FBXO42: variants seen among roughly 807,000 people sequenced by gnomAD.
FBXO42 encodes the protein F-box only protein 42.
In FBXO42, 12 loss-of-function variants were observed where a neutral mutation model predicts 71.7. That is an observed-to-expected ratio of 0.17 (90% confidence interval 0.11 to 0.27). The LOEUF is 0.27. Ranked by LOEUF, FBXO42 falls within the 10% of genes least tolerant of loss-of-function variation. FBXO42 has a pLI of 1.00. For synonymous variants in FBXO42, 325 were observed against 327.5 expected (o/e 0.99, Z 0.08); for missense variants, 707 against 911.9 (o/e 0.78, Z 2.89).
At chr1:16,317,028 C>A (rs1214952469) in intron 1 of FBXO42, among the ~76,000 whole-genome samples, 2 of 152,202 alleles carry the variant, frequency 1.3e-5, no homozygotes, top group South Asian at 2.1e-4. Flanking sequence ...CGCCTGTAAT[C>A]CCAACACTTT....
intron 1 of FBXO42, among the ~76,000 whole-genome samples, chr1:16,326,060 CTGTG>C (rs2082447546): frequency 1.0e-5 from 1 of 95,452 alleles, no homozygotes; most frequent in African/African-American, 3.2e-5. Flanking sequence ...CTGTGTGTGT[CTGTG>C]TGTGTTTTGA....
At chr1:16,304,298 T>C (rs1199457145) in intron 3 of FBXO42, among the ~76,000 whole-genome samples, 1 of 151,028 alleles carries the variant, frequency 6.6e-6, no homozygotes, top group Non-Finnish European at 1.5e-5. Flanking sequence ...TTTTTCTATT[T>C]TTAGTGGACA....
At chr1:16,322,586 A>C (rs1232405250) in intron 1 of FBXO42, among the ~76,000 whole-genome samples, 1 of 152,158 alleles carries the variant, frequency 6.6e-6, no homozygotes, top group East Asian at 1.9e-4. Context: ...AAAATACAAA[A>C]AAAATTTTAA....
At chr1:16,346,753 AT>A (rs529276488) in intron 1 of FBXO42, among the ~76,000 whole-genome samples, 34,901 of 124,842 alleles carry the variant, frequency 0.28, 5,107 homozygotes, top group Non-Finnish European at 0.34. Context: ...TGAACAGTAC[AT>A]TTTTTTTTTT....
chr1:16,288,733 G>A (rs1044744777), intron 4 of FBXO42, among the ~76,000 whole-genome samples: 6 of 152,044 alleles, frequency 3.9e-5, no homozygotes, highest in East Asian at 1.9e-4. Context: ...CAAGGTGGGC[G>A]GATCACTTGA....
Position 16,251,393 on chromosome 1 carries a change from T to C in FBXO42, c.1431A>G (p.Lys477=). The part of the protein sequence containing the change: ...TPSAPEGYDL[K]IGLSLAPRRG... ...GTCGGGGGGCCAAAGAAAGTCCTAT[T>C]TTCAGGTCGTATCCTTCAGGAGCAG... Residue 477 remains lysine, a synonymous_variant, in exon 10 of 10, where the codon AAA becomes AAG. Transcript: ENST00000375592. This position sits in a 1 kb window ranked among gnomAD's most constrained non-coding sequence, Gnocchi z 4.5. 2.5e-6 allele frequency: 4 copies of C among 1,614,106 alleles called. No individual in the cohort carries two copies. The highest frequency in any genetic ancestry group is 3.4e-6 in the Non-Finnish European group (4 of 1,179,958).
intron 3 of FBXO42, among the ~76,000 whole-genome samples, chr1:16,303,443 TTTACAGATTTC>T (rs2082217325): frequency 1.3e-5 from 2 of 152,218 alleles, no homozygotes; most frequent in African/African-American, 2.4e-5. Context: ...AAGCAATGAC[TTTACAGATTTC>T]TTACAGATTT....
chr1:16,291,323 T>C (rs2082075401), intron 4 of FBXO42, among the ~76,000 whole-genome samples: 1 of 152,142 alleles, frequency 6.6e-6, no homozygotes, highest in Non-Finnish European at 1.5e-5. Flanking sequence ...AACATTGTCT[T>C]AGGGCATCTT....
chr1:16,277,141 C>G (rs2983163), intron 4 of FBXO42, among the ~76,000 whole-genome samples: 1 of 152,078 alleles, frequency 6.6e-6, no homozygotes, highest in African/African-American at 2.4e-5. Flanking sequence ...ATCAATCACT[C>G]GTTTTTAAGA....
At chr1:16,307,414 T>A (rs981137525) in intron 2 of FBXO42, among the ~76,000 whole-genome samples, 4 of 151,788 alleles carry the variant, frequency 2.6e-5, no homozygotes, top group Non-Finnish European at 5.9e-5. Context: ...GGAGGGAGGA[T>A]CACCTGTGCC....
intron 1 of FBXO42, among the ~76,000 whole-genome samples, chr1:16,340,079 G>A (rs576905300): frequency 2.0e-5 from 3 of 152,082 alleles, no homozygotes; most frequent in African/African-American, 7.2e-5. Flanking sequence ...GGGAGGCTGA[G>A]GCAGAAGAAT....
At chr1:16,326,946 C>T (rs1569928810) in intron 1 of FBXO42, among the ~76,000 whole-genome samples, 1 of 152,098 alleles carries the variant, frequency 6.6e-6, no homozygotes, top group Non-Finnish European at 1.5e-5. Flanking sequence ...TTCCTAATCC[C>T]AAAAGGTGTC....
intron 4 of FBXO42, chr1:16,293,314 T>G (rs1050500376): frequency 6.6e-6 from 1 of 152,172 alleles, no homozygotes; most frequent in Admixed American, 6.5e-5. Flanking sequence ...AGAGACAGGG[T>G]TTCATCATGT....
intron 4 of FBXO42, among the ~76,000 whole-genome samples, chr1:16,268,232 A>G (rs149292122): frequency 4.0e-4 from 61 of 152,330 alleles, no homozygotes; most frequent in African/African-American, 1.5e-3. Flanking sequence ...AATCCTTGTC[A>G]GCCCTGAGAG....
At chr1:16,294,720 T>A in intron 4 of FBXO42, 63 bp downstream of exon 4, 1 of 1,571,698 alleles carries the variant, frequency 6.4e-7, no homozygotes, top group Non-Finnish European at 8.7e-7. Context: ...AATGATCAGG[T>A]AGAGTTTCCA....
intron 3 of FBXO42, among the ~76,000 whole-genome samples, chr1:16,301,714 G>A (rs1375396857): frequency 6.7e-6 from 1 of 149,622 alleles, no homozygotes; most frequent in African/African-American, 2.5e-5. Context: ...GTACAAGAAT[G>A]TCTAAGACAT....
chr1:16,310,635 A>G (rs958052229), intron 2 of FBXO42, among the ~76,000 whole-genome samples: 1 of 152,216 alleles, frequency 6.6e-6, no homozygotes, highest in African/African-American at 2.4e-5. Flanking sequence ...ACTGAGAGAA[A>G]GTATTTGCAA....
intron 2 of FBXO42, among the ~76,000 whole-genome samples, chr1:16,308,047 G>T (rs1238989042): frequency 6.6e-6 from 1 of 152,148 alleles, no homozygotes; most frequent in Non-Finnish European, 1.5e-5. Context: ...TACTATAAAA[G>T]CTACAGTAAT....
chr1:16,328,641 G>C (rs1037533015), intron 1 of FBXO42, among the ~76,000 whole-genome samples: 4 of 152,108 alleles, frequency 2.6e-5, no homozygotes, highest in African/African-American at 9.7e-5. Flanking sequence ...ATATATACAT[G>C]TGTTAGTATA....
Sources: allele counts gnomAD v4.1 joint callset (sites outside exome capture counted in the v4.1 genomes callset), GRCh38; gene constraint gnomAD v4.1.1; non-coding constraint Gnocchi (gnomAD v3.1); transcripts MANE v1.5; gene names NCBI Gene and HGNC (gene_info 2026-07-23, HGNC 2026-07-21).